The following HECW1 variants were observed in gnomAD, a reference collection of about 807,000 sequenced individuals.
HECW1 encodes HECT, C2 and WW domain containing E3 ubiquitin protein ligase 1.
Under a neutral mutation model 182.3 loss-of-function variants are expected in HECW1, and 61 were observed. That is an observed-to-expected ratio of 0.33 (90% CI 0.27 to 0.41). The LOEUF is 0.41. Ranked by LOEUF, HECW1 falls within the 10% of genes least tolerant of loss-of-function variation. HECW1 has a pLI of 1.00. For synonymous variants in HECW1, 859 were observed against 832.6 expected (o/e 1.03, Z -0.55); for missense variants, 1,739 against 2,108.9 (o/e 0.82, Z 3.44).
In HECW1 at chr7:43,561,812, C is replaced by T. The variant is rs769422899; in HGVS notation, c.4710-3C>T. On this transcript the variant is annotated splice_region_variant and splice_polypyrimidine_tract_variant and intron_variant, in intron 29 of 29. Transcript: ENST00000395891. ...CTCTCACCAATCTCTTCTCCCCATT[C>T]AGGGCACACACATGCTTCAACCGAC... is the stretch of plus-strand genomic sequence containing the variant. The T allele has an allele frequency of 1.3e-6, 2 of 1,596,480 alleles. No individual in the cohort carries two copies. Among genetic ancestry groups the T allele is most frequent in the Non-Finnish European group, 1.7e-6 (2 of 1,164,086 alleles).
At chr7:43,264,717 A>G (rs112407930) in intron 3 of HECW1, among the ~76,000 whole-genome samples, 3,765 of 151,812 alleles carry the variant, frequency 0.025, 110 homozygotes, top group African/African-American at 0.072. Flanking sequence ...GGTGGCGGGC[A>G]CCTGTAGTCT....
chr7:43,206,804 T>C (rs1795521760), intron 2 of HECW1, among the ~76,000 whole-genome samples: 1 of 152,246 alleles, frequency 6.6e-6, no homozygotes, highest in Non-Finnish European at 1.5e-5. Flanking sequence ...TCCAGTTCAC[T>C]TCTAGATTCA....
intron 8 of HECW1, among the ~76,000 whole-genome samples, chr7:43,408,699 A>G (rs2075695667): frequency 6.6e-6 from 1 of 152,100 alleles, no homozygotes; most frequent in Non-Finnish European, 1.5e-5. Flanking sequence ...AAAAGAAAGA[A>G]AAAAGAAAGT....
chr7:43,561,298 G>A (rs543836606), intron 29 of HECW1, among the ~76,000 whole-genome samples: 1 of 152,202 alleles, frequency 6.6e-6, no homozygotes, highest in Non-Finnish European at 1.5e-5. Flanking sequence ...GGTTCTGTGG[G>A]TTCTACTGGG....
intron 2 of HECW1, among the ~76,000 whole-genome samples, chr7:43,174,032 T>C (rs746471049): frequency 2.6e-5 from 4 of 152,034 alleles, no homozygotes; most frequent in Non-Finnish European, 4.4e-5. Context: ...GTAGAGACAA[T>C]GTCTTGCTTT....
chr7:43,460,534 G>A (rs546203618), intron 13 of HECW1, among the ~76,000 whole-genome samples: 8 of 151,882 alleles, frequency 5.3e-5, no homozygotes, highest in Non-Finnish European at 1.0e-4. Context: ...GTGTGTGTGC[G>A]CGCGTGCGTG....
At chr7:43,166,465 C>A (rs61144684) in intron 2 of HECW1, among the ~76,000 whole-genome samples, 8,659 of 152,160 alleles carry the variant, frequency 0.057, 777 homozygotes, top group African/African-American at 0.2. Context: ...GATCTAGAAG[C>A]AGCACCCAGG....
intron 2 of HECW1, among the ~76,000 whole-genome samples, chr7:43,171,368 T>C (rs1791671866): frequency 6.6e-6 from 1 of 152,182 alleles, no homozygotes; most frequent in South Asian, 2.1e-4. Flanking sequence ...TTTTTCACAG[T>C]TGTATTTTCC....
At chr7:43,518,891 T>C (rs1428517208) in intron 24 of HECW1, among the ~76,000 whole-genome samples, 3 of 152,170 alleles carry the variant, frequency 2.0e-5, no homozygotes. Flanking sequence ...AAGGATGCTT[T>C]CATGCATTGT....
rs371546687 is a variant in HECW1, at chr7:43,558,038, C to T, written c.4709+3248C>T. ...AGGGAGTGTGAAGAATGTCCATCCA[C>T]GTCACAGCGTGTGGGGCAGTGAGCA... On this transcript the variant is annotated intron_variant, in intron 29 of 29. Coordinates refer to ENST00000395891, the MANE Select transcript of HECW1 (RefSeq NM_015052.5). Among the ~76,000 whole-genome samples the T allele has an allele frequency of 1.9e-4, 29 of 152,306 alleles. No homozygotes were observed. The East Asian group carries it at 2.3e-3, about 12-fold the overall frequency.
At position 43,212,561 on chromosome 7, in the gene HECW1, A is replaced by C. The variant is rs115740528; in HGVS notation, c.-31-31314A>C. On this transcript the variant is annotated intron_variant, in intron 2 of 29. Transcript: ENST00000395891. ...TGCACACAATTACAGAAGGGAGGCCAAGGCTATTACGCTGCACTCTTCTTA... is the reference window on the plus strand; with the variant it reads ...TGCACACAATTACAGAAGGGAGGCCCAGGCTATTACGCTGCACTCTTCTTA... Among the ~76,000 whole-genome samples the C allele has an allele frequency of 4.1e-3, 623 of 152,194 alleles. 5 individuals carry two copies. Among genetic ancestry groups the C allele is most frequent in the African/African-American group, 0.014 (589 of 41,580 alleles).
intron 3 of HECW1, among the ~76,000 whole-genome samples, chr7:43,293,301 G>A (rs1200006681): frequency 4.6e-5 from 7 of 151,902 alleles, no homozygotes; most frequent in East Asian, 1.9e-4. Flanking sequence ...CCCGAGCAGC[G>A]GTTCAAGGGC....
chr7:43,432,986 T>C lies in HECW1; in HGVS notation c.802-5017T>C, dbSNP rs968817851. Among the ~76,000 whole-genome samples the C allele has an allele frequency of 2.0e-5, 3 of 152,252 alleles. No homozygotes were observed. Among genetic ancestry groups the C allele is most frequent in the African/African-American group, 7.2e-5 (3 of 41,464 alleles). On this transcript the variant is annotated intron_variant, in intron 8 of 29. Coordinates refer to ENST00000395891, the MANE Select transcript of HECW1 (RefSeq NM_015052.5). The surrounding 1 kb of genome is among the most constrained non-coding windows in gnomAD (Gnocchi z 4.1). Reference sequence around the variant, plus strand: ...TCCTATATTGCAGCACCAGTGCTAATATCTCTCTGGACGATTGAAGATGAT... The same window carrying C: ...TCCTATATTGCAGCACCAGTGCTAACATCTCTCTGGACGATTGAAGATGAT...
intron 2 of HECW1, among the ~76,000 whole-genome samples, chr7:43,221,894 C>T (rs1797015233): frequency 6.6e-6 from 1 of 152,056 alleles, no homozygotes; most frequent in Admixed American, 6.6e-5. Context: ...TCATAGGTTG[C>T]AATGCCAAAT....
At chr7:43,319,735 G>A (rs6956412) in intron 4 of HECW1, among the ~76,000 whole-genome samples, 1 of 146,036 alleles carries the variant, frequency 6.8e-6, no homozygotes, top group Admixed American at 6.9e-5. Flanking sequence ...AAATAGCTGA[G>A]ATTATAGGTG....
intron 3 of HECW1, among the ~76,000 whole-genome samples, chr7:43,291,264 A>G (rs1805367284): frequency 6.6e-6 from 1 of 152,258 alleles, no homozygotes; most frequent in Non-Finnish European, 1.5e-5. Context: ...TTTATCCTTT[A>G]CGCATTTGGA....
chr7:43,235,256 C>T (rs1043467193), intron 2 of HECW1, among the ~76,000 whole-genome samples: 1 of 152,188 alleles, frequency 6.6e-6, no homozygotes, highest in Non-Finnish European at 1.5e-5. Flanking sequence ...AGAGAGTACC[C>T]CCTGCTCTGA....
intron 29 of HECW1, among the ~76,000 whole-genome samples, chr7:43,556,606 T>C (rs2082031914): frequency 6.6e-6 from 1 of 151,894 alleles, no homozygotes; most frequent in African/African-American, 2.4e-5. Context: ...GAGGATGACT[T>C]GAGCCCAGGA....
chr7:43,356,533 G>C (rs1815161637), intron 5 of HECW1, among the ~76,000 whole-genome samples: 2 of 152,110 alleles, frequency 1.3e-5, no homozygotes, highest in Non-Finnish European at 2.9e-5. Flanking sequence ...ACTACACACT[G>C]ACCACATGGC....
Sources: gnomAD v4.1 joint callset for allele counts (sites outside exome capture counted in the v4.1 genomes callset) on GRCh38, gnomAD v4.1.1 for gene constraint, Gnocchi (gnomAD v3.1) non-coding constraint, MANE v1.5 for transcripts, NCBI Gene and HGNC (gene_info 2026-07-23, HGNC 2026-07-21) for gene names.